C11orf65: variants seen among roughly 807,000 people sequenced by gnomAD.
C11orf65 encodes the protein protein MFI.
In C11orf65, 38 loss-of-function variants were observed where a neutral mutation model predicts 35.3. That is an observed-to-expected ratio of 1.08 (90% CI 0.83 to 1.41). The LOEUF (loss-of-function observed/expected upper bound fraction) is 1.41. Among genes scored for constraint, C11orf65 ranks in the 40% most tolerant of loss-of-function variants. The pLI is 0.00. For synonymous variants in C11orf65, 105 were observed against 114.4 expected (o/e 0.92, Z 0.53); for missense variants, 370 against 367.1 (o/e 1.01, Z -0.06).
At position 108,393,323 on chromosome 11, in the gene C11orf65, T is replaced by A; in HGVS notation, c.616A>T (p.Ile206Phe). The change falls in exon 7 of 9, where the codon ATT becomes TTT. Residue 206 changes from isoleucine (I) to phenylalanine (F), a missense_variant. By Grantham distance (21) the Ile-to-Phe change is conservative (BLOSUM62 0). Coordinates refer to ENST00000393084, the MANE Select transcript of C11orf65 (RefSeq NM_152587.5). ...KSTHHETLGL[I>F]HTATKGLIRA... ...ATCAGCCCCTTTGTTGCAGTGTGAA[T>A]TAGTCCTAGAGTTTCATGATGTGTT... 6.2e-7 allele frequency: 1 copy of A among 1,614,088 alleles called. No homozygotes were observed. The highest frequency in any genetic ancestry group is 8.5e-7 in the Non-Finnish European group (1 of 1,179,990).
At chr11:108,345,258 A>T (rs957532886) in intron 2 of C11orf65, among the ~76,000 whole-genome samples, 6 of 152,242 alleles carry the variant, frequency 3.9e-5, no homozygotes, top group African/African-American at 1.4e-4. Context: ...ATCAGCACAT[A>T]GATGGAAGGG....
chr11:108,369,684 T>C (rs1325493508), intron 2 of C11orf65, among the ~76,000 whole-genome samples: 1 of 152,214 alleles, frequency 6.6e-6, no homozygotes, highest in Non-Finnish European at 1.5e-5. Context: ...TACACAGTTT[T>C]ATGTACAACA....
chr11:108,428,300 C>T (rs2092937197), intron 3 of C11orf65, among the ~76,000 whole-genome samples: 1 of 152,116 alleles, frequency 6.6e-6, no homozygotes, highest in Non-Finnish European at 1.5e-5. Flanking sequence ...ACCCAGCAAC[C>T]CCATTACTGG....
chr11:108,309,031 A>G (rs191220922), exon 7 of C11orf65: 6 of 1,525,964 alleles, frequency 3.9e-6, no homozygotes, highest in Middle Eastern at 1.7e-4. Context: ...AAAATTCTTC[A>G]TATTCCATTT....
At chr11:108,383,500 A>T (rs1298141387) in intron 8 of C11orf65, among the ~76,000 whole-genome samples, 1 of 152,180 alleles carries the variant, frequency 6.6e-6, no homozygotes, top group Non-Finnish European at 1.5e-5. Context: ...CACCTACCTC[A>T]TCATATTCCT....
intron 2 of C11orf65, chr11:108,345,957 G>C (rs1209361757): frequency 6.2e-7 from 1 of 1,607,380 alleles, no homozygotes; most frequent in South Asian, 1.1e-5. Context: ...TGTTTGGCAG[G>C]TTTTATTTTT....
At chr11:108,450,518 G>T (rs1565716211) in intron 2 of C11orf65, among the ~76,000 whole-genome samples, 1 of 149,464 alleles carries the variant, frequency 6.7e-6, no homozygotes. Flanking sequence ...GCAAGCTATG[G>T]CAAGAACAAA....
At chr11:108,341,823 C>G (rs2087613764) in intron 2 of C11orf65, among the ~76,000 whole-genome samples, 1 of 152,114 alleles carries the variant, frequency 6.6e-6, no homozygotes, top group Non-Finnish European at 1.5e-5. Context: ...TATAAAAAGC[C>G]TGACAATATT....
At chr11:108,429,120 C>A (rs2092950191) in intron 3 of C11orf65, among the ~76,000 whole-genome samples, 1 of 151,762 alleles carries the variant, frequency 6.6e-6, no homozygotes, top group Non-Finnish European at 1.5e-5. Context: ...ATGCTCCAGC[C>A]TGGGAGACAG....
Position 108,388,764 on chromosome 11 carries a change from C to A in C11orf65, c.732-2789G>T, listed in dbSNP as rs116059499. Among the ~76,000 whole-genome samples the A allele has an allele frequency of 3.4e-3, 522 of 152,334 alleles. 3 individuals are homozygous for A. The highest frequency in any genetic ancestry group is 0.012 in the African/African-American group (505 of 41,568). ...TGAATGCCAGCAAAAGCCACGGTAGCTGTCCTGTGGCATTGTGCATAACTC... is the reference window on the plus strand; with the variant it reads ...TGAATGCCAGCAAAAGCCACGGTAGATGTCCTGTGGCATTGTGCATAACTC... On this transcript the variant is annotated intron_variant, in intron 7 of 8. Coordinates refer to ENST00000393084, the MANE Select transcript of C11orf65 (RefSeq NM_152587.5).
chr11:108,401,025 C>G (rs1234994270), intron 6 of C11orf65, among the ~76,000 whole-genome samples: 1 of 152,016 alleles, frequency 6.6e-6, no homozygotes, highest in Non-Finnish European at 1.5e-5. Context: ...AGGAGAATTG[C>G]TTGAACCTGG....
chr11:108,446,478 C>T (rs1268767037), intron 2 of C11orf65, among the ~76,000 whole-genome samples: 2 of 151,762 alleles, frequency 1.3e-5, no homozygotes, highest in Admixed American at 1.3e-4. Context: ...GGCCAATATT[C>T]AACATTCTTA....
chr11:108,418,978 T>G (rs942172536), intron 3 of C11orf65, among the ~76,000 whole-genome samples: 13 of 152,214 alleles, frequency 8.5e-5, no homozygotes, highest in African/African-American at 3.1e-4. Flanking sequence ...TAATTCTAAA[T>G]TGAATGTAAT....
At chr11:108,383,820 T>C (rs1178195144) in intron 8 of C11orf65, among the ~76,000 whole-genome samples, 1 of 152,102 alleles carries the variant, frequency 6.6e-6, no homozygotes, top group Non-Finnish European at 1.5e-5. Context: ...ATCCTATATC[T>C]TTCTTCTTTT....
downstream of C11orf65, chr11:108,329,354 C>A: frequency 1.0e-6 from 1 of 954,800 alleles, no homozygotes; most frequent in Non-Finnish European, 1.6e-6. Flanking sequence ...CTCTAAAGGT[C>A]GGCTTAACTA....
chr11:108,408,684 A>AACATAAAATAAAATAAAATAAAATAAAAT (rs1565659790), intron 3 of C11orf65, among the ~76,000 whole-genome samples: 85 of 70,566 alleles, frequency 1.2e-3, no homozygotes, highest in African/African-American at 5.0e-3. Context: ...TAAATAAAAT[A>AACATAAAATAAAATAAAATAAAATAAAAT]AAATAAAATA....
chr11:108,444,638 C>T (rs1053910104), intron 2 of C11orf65, among the ~76,000 whole-genome samples: 2 of 152,040 alleles, frequency 1.3e-5, no homozygotes, highest in East Asian at 3.9e-4. Context: ...CCAAGATGGC[C>T]GAATAGGAAC....
intron 6 of C11orf65, among the ~76,000 whole-genome samples, chr11:108,316,680 C>T (rs751166253): frequency 3.5e-4 from 52 of 147,324 alleles, no homozygotes; most frequent in African/African-American, 1.1e-3. Flanking sequence ...GAGGCCGAGG[C>T]GAGCAGATCA....
intron 7 of C11orf65, 43 bp downstream of exon 7, chr11:108,393,165 T>G: frequency 6.5e-7 from 1 of 1,543,244 alleles, no homozygotes; most frequent in Non-Finnish European, 8.8e-7. Flanking sequence ...AAAAAAACTA[T>G]GATGACTGCC....
Sources: allele counts gnomAD v4.1 joint callset (sites outside exome capture counted in the v4.1 genomes callset), GRCh38; gene constraint gnomAD v4.1.1; transcripts MANE v1.5; gene names NCBI Gene and HGNC (gene_info 2026-07-23, HGNC 2026-07-21).